Variants in TASOR2 observed in about 807,000 individuals in gnomAD.
The protein encoded by TASOR2 is protein TASOR 2.
TASOR2 carries 84 observed loss-of-function variants against 199.5 expected under a neutral mutation model. The ratio of observed to expected loss-of-function variants is 0.42; its 90% CI spans 0.35 to 0.50. The LOEUF is 0.50. Ranked by LOEUF, TASOR2 falls within the 20% of genes least tolerant of loss-of-function variation. TASOR2 has a pLI of 0.02. For synonymous variants in TASOR2, 1,103 were observed against 1,046.6 expected, an observed-to-expected ratio of 1.05 and a Z score of -1.04; for missense variants, 2,796 against 2,835.9, an observed-to-expected ratio of 0.99 and a Z score of 0.32.
intron 11 of TASOR2, among the ~76,000 whole-genome samples, chr10:5,735,100 C>T (rs1287236950): frequency 1.3e-5 from 2 of 151,994 alleles, no homozygotes; most frequent in East Asian, 1.9e-4. Flanking sequence ...AGACACTTAG[C>T]AAGTTCATAT....
chr10:5,719,843 A>G lies in TASOR2; in HGVS notation c.-99-701A>G, dbSNP rs1833137689. 6.6e-6 allele frequency among the ~76,000 whole-genome samples: 1 copy of G among 152,158 alleles called. No homozygotes were observed. Among genetic ancestry groups the G allele is most frequent in the African/African-American group, 2.4e-5 (1 of 41,432 alleles). On this transcript the variant is annotated intron_variant, in intron 3 of 20. Transcript: ENST00000328090. This position sits in a 1 kb window ranked among gnomAD's most constrained non-coding sequence, Gnocchi z 4.1. ...TAATTTACAACTGATCATAGTTCAG[A>G]TTGGAAACTCATCTTTTGAAATTTT...
chr10:5,749,615 G>A (rs45596231), exon 15 of TASOR2: 14 of 1,613,996 alleles, frequency 8.7e-6, no homozygotes, highest in Non-Finnish European at 1.2e-5. Flanking sequence ...AGTCTGGACA[G>A]CTCTTCCTCT....
rs1332842040 is a variant in TASOR2, at chr10:5,701,470, G to A, written c.-287-11353G>A. 6.6e-6 allele frequency among the ~76,000 whole-genome samples: 1 copy of A among 152,034 alleles called. No homozygotes were observed. Among genetic ancestry groups the A allele is most frequent in the Non-Finnish European group, 1.5e-5 (1 of 67,994 alleles). ...CTTTTGTGGTTCCATATACATTTTA[G>A]GATTTGTTTTCTATTTCTGTGAAGA... On this transcript the variant is annotated intron_variant, in intron 1 of 20. Coordinates refer to ENST00000328090, the Ensembl canonical transcript of TASOR2. This position sits in a 1 kb window ranked among gnomAD's most constrained non-coding sequence, Gnocchi z 4.9.
At position 5,717,759 on chromosome 10, in the gene TASOR2, T is replaced by A; in HGVS notation, c.-100+9T>A. On this transcript the variant is annotated intron_variant, in intron 3 of 20. Transcript: ENST00000328090. ...TTTTTAATATAATTAAGGTAAAGCT[T>A]AAATGTGCTGTTACGTGATTTCCTT... The A allele has an allele frequency of 9.6e-7, 1 of 1,044,934 alleles. No homozygotes were observed. The highest frequency in any genetic ancestry group is 1.2e-6 in the Non-Finnish European group (1 of 817,208). 64.7% of individuals were successfully genotyped at this position (1,044,934 alleles called of 1,614,324 possible). A position where few individuals can be genotyped will look rare whatever the true frequency, so the allele number is the denominator to read the frequency against.
intron 20 of TASOR2, 121 bp downstream of exon 21, chr10:5,762,767 T>C: frequency 1.4e-6 from 1 of 700,478 alleles, no homozygotes; most frequent in East Asian, 2.8e-5. Flanking sequence ...TGCTATAAAT[T>C]TAAAGTGTTT....
chr10:5,720,557 A>C lies in TASOR2; in HGVS notation c.-86A>C. 1 of 1,602,928 alleles carries C rather than the reference A, an allele frequency of 6.2e-7. No individual in the cohort carries two copies. The highest frequency in any genetic ancestry group is 8.5e-7 in the Non-Finnish European group (1 of 1,174,586). On this transcript the variant is annotated 5_prime_UTR_variant, in exon 4 of 21. Transcript: ENST00000328090. The surrounding 1 kb of genome is among the most constrained non-coding windows in gnomAD (Gnocchi z 5.3). ...TTCCTCTTTCAGTATTACTTTTACG[A>C]ACTTTCAGGCAACACCGTTATTGAA...
In TASOR2 at chr10:5,740,347, G is replaced by A. The variant is rs61731328; in HGVS notation, c.2177G>A (p.Arg726His). Reference sequence around the variant, plus strand: ...CCCAAGGATCGACCACCGTCTGCCCGTGTGAAAAAATCTTCTTGCTCTCGT... The same window carrying A: ...CCCAAGGATCGACCACCGTCTGCCCATGTGAAAAAATCTTCTTGCTCTCGT... The change falls in exon 13 of 21, where the codon CGT (arginine) becomes CAT (histidine). Residue 726 changes from arginine to histidine, a missense_variant. Coordinates refer to ENST00000328090, the Ensembl canonical transcript of TASOR2. The surrounding 1 kb of genome is among the most constrained non-coding windows in gnomAD (Gnocchi z 5.3). 6,225 of 1,614,168 alleles carry A rather than the reference G, an allele frequency of 3.9e-3. 27 individuals carry two copies. The highest frequency in any genetic ancestry group is 3.8e-3 in the Non-Finnish European group (4,531 of 1,180,034).
chr10:5,700,748 C>T (rs1417379372), intron 1 of TASOR2, among the ~76,000 whole-genome samples: 1 of 151,488 alleles, frequency 6.6e-6, no homozygotes, highest in Non-Finnish European at 1.5e-5. Flanking sequence ...AATGTTTATT[C>T]AGATCTTTTG....
chr10:5,725,683 A>C (rs1208291013), intron 8 of TASOR2, among the ~76,000 whole-genome samples: 1 of 152,074 alleles, frequency 6.6e-6, no homozygotes, highest in African/African-American at 2.4e-5. Context: ...CCGAAGGCTG[A>C]GGTGGGAGGA....
Position 5,690,242 on chromosome 10 carries a change from CT to C in TASOR2, c.-288+5068del, listed in dbSNP as rs1334662287. Reference sequence around the variant, plus strand: ...TTTTTTAATTTGCTTTTTAAAATTACTGTTTTTATCATAAGAAATGTATCTG... The same window carrying C: ...TTTTTTAATTTGCTTTTTAAAATTACGTTTTTATCATAAGAAATGTATCTG... On this transcript the variant is annotated intron_variant, in intron 1 of 20. Transcript: ENST00000328090. This position sits in a 1 kb window ranked among gnomAD's most constrained non-coding sequence, Gnocchi z 4.8. Among the ~76,000 whole-genome samples the C allele has an allele frequency of 6.6e-6, 1 of 152,030 alleles. No individual in the cohort carries two copies. Among genetic ancestry groups the C allele is most frequent in the Non-Finnish European group, 1.5e-5 (1 of 67,998 alleles).
At position 5,689,368 on chromosome 10, in the gene TASOR2, G is replaced by A. The variant is rs1486727583; in HGVS notation, c.-288+4193G>A. Among the ~76,000 whole-genome samples the A allele has an allele frequency of 2.0e-5, 3 of 152,174 alleles. No homozygotes were observed. The highest frequency in any genetic ancestry group is 2.9e-5 in the Non-Finnish European group (2 of 68,038). On this transcript the variant is annotated intron_variant, in intron 1 of 20. Coordinates refer to ENST00000328090, the Ensembl canonical transcript of TASOR2. The surrounding 1 kb of genome is among the most constrained non-coding windows in gnomAD (Gnocchi z 4.1). ...TGTAATCCCAGCACTTTGGGTGGCC[G>A]AGGTGGGCGGATCAAGAGGTCAGGA...
At chr10:5,757,146 G>C (rs1027002392) in intron 16 of TASOR2, among the ~76,000 whole-genome samples, 3 of 152,218 alleles carry the variant, frequency 2.0e-5, no homozygotes, top group African/African-American at 7.2e-5. Context: ...GCATAAACCT[G>C]CCGTCATCAG....
At position 5,761,711 on chromosome 10, in the gene TASOR2, T is replaced by C. The variant is rs1839864368; in HGVS notation, c.7174+240T>C. 7 of 448,672 alleles carry C rather than the reference T, an allele frequency of 1.6e-5. No homozygotes were observed. In the South Asian group the frequency reaches 2.5e-4, roughly 16 times the overall value. 27.8% of individuals were successfully genotyped at this position (448,672 alleles called of 1,614,324 possible). A position where few individuals can be genotyped will look rare whatever the true frequency, so the allele number is the denominator to read the frequency against. On this transcript the variant is annotated intron_variant, in intron 19 of 20. Transcript: ENST00000328090. ...AGATTACTTATAATACTCAATACAG[T>C]ATAAGTAGTTATACCGTATTATTTT...
chr10:5,705,661 C>T (rs538946849), intron 1 of TASOR2, among the ~76,000 whole-genome samples: 2 of 152,222 alleles, frequency 1.3e-5, no homozygotes, highest in East Asian at 3.9e-4. Context: ...TCTTTTTAGC[C>T]ATTCTACTGG....
intron 18 of TASOR2, among the ~76,000 whole-genome samples, chr10:5,760,445 G>T (rs888579020): frequency 1.3e-5 from 2 of 152,050 alleles, no homozygotes; most frequent in African/African-American, 4.8e-5. Context: ...ACCTTTTGTG[G>T]AATTTACCCA....
At chr10:5,714,044 A>G in intron 2 of TASOR2, 91 bp from the exon 3 acceptor site, 1 of 587,700 alleles carries the variant, frequency 1.7e-6, no homozygotes, top group Non-Finnish European at 2.3e-6. Context: ...CTATTGTATA[A>G]TAAAAAATAA....
chr10:5,730,380 A>G lies in TASOR2; in HGVS notation c.488-107A>G, dbSNP rs1834650852. ...TTAGGTTGTCATTTGAAATACTATA[A>G]CATATTTAACCATCACATAATTTTG... On this transcript the variant is annotated intron_variant, in intron 10 of 20. Coordinates refer to ENST00000328090, the Ensembl canonical transcript of TASOR2. The surrounding 1 kb of genome is among the most constrained non-coding windows in gnomAD (Gnocchi z 4.1). 8.6e-6 allele frequency: 7 copies of G among 815,750 alleles called. No individual in the cohort carries two copies. In the Admixed American group the frequency reaches 1.9e-4, roughly 22 times the overall value. The allele number at this position is 815,750 out of a possible 1,614,324, so 50.5% of individuals were successfully genotyped here. A position where few individuals can be genotyped will look rare whatever the true frequency, so the allele number is the denominator to read the frequency against.
intron 2 of TASOR2, 138 bp downstream of exon 3, chr10:5,714,345 C>A: frequency 2.2e-6 from 1 of 461,702 alleles, no homozygotes; most frequent in Non-Finnish European, 3.5e-6. Context: ...GTTTAGATTT[C>A]TAACTTTAAA....
rs973141919 is a variant in TASOR2 at position 5,698,613 on chromosome 10, C to T, written c.-288+13438C>T. On this transcript the variant is annotated intron_variant, in intron 1 of 20. Coordinates refer to ENST00000328090, the Ensembl canonical transcript of TASOR2. This position sits in a 1 kb window ranked among gnomAD's most constrained non-coding sequence, Gnocchi z 4.4. ...ATTCCTATTTATGCATTTTCTATGG[C>T]TGTTTTTATGCTCTACCGGTAGAGA... is the stretch of plus-strand genomic sequence containing the variant. Among the ~76,000 whole-genome samples, 2 of 152,050 alleles carry T rather than the reference C, an allele frequency of 1.3e-5. No homozygotes were observed. The highest frequency in any genetic ancestry group is 2.9e-5 in the Non-Finnish European group (2 of 68,004).
Sources: allele counts gnomAD v4.1 joint callset (sites outside exome capture counted in the v4.1 genomes callset), GRCh38; gene constraint gnomAD v4.1.1; non-coding constraint Gnocchi (gnomAD v3.1); transcripts MANE v1.5; gene names NCBI Gene and HGNC (gene_info 2026-07-23, HGNC 2026-07-21).